SORT1: variants seen among roughly 807,000 people sequenced by gnomAD.
The protein encoded by SORT1 is sortilin.
In SORT1, 39 loss-of-function variants were observed where a neutral mutation model predicts 101.7. That is an observed-to-expected ratio of 0.38 (90% confidence interval 0.30 to 0.50). SORT1 has a LOEUF of 0.50. Among genes scored for constraint, SORT1 ranks in the 20% least tolerant of loss-of-function variants. The pLI, the probability that SORT1 is intolerant of heterozygous loss-of-function variation, is 0.90. For missense variants in SORT1, 878 were observed against 1,040.4 expected, an observed-to-expected ratio of 0.84 and a Z score of 2.15; for synonymous variants, 396 against 393.7, an observed-to-expected ratio of 1.01 and a Z score of -0.07.
chr1:109,345,372 G>A (rs1406100672), intron 8 of SORT1, among the ~76,000 whole-genome samples: 5 of 152,190 alleles, frequency 3.3e-5, no homozygotes, highest in East Asian at 3.9e-4. Context: ...AAAATTATCC[G>A]GGTGTGGTGG....
chr1:109,379,897 G>C (rs1216876742), intron 1 of SORT1, among the ~76,000 whole-genome samples: 1 of 152,114 alleles, frequency 6.6e-6, no homozygotes, highest in Admixed American at 6.5e-5. Context: ...AAAATAAAAA[G>C]CTGAATTCCT....
Position 109,354,428 on chromosome 1 carries a change from G to A in SORT1, c.647C>T (p.Pro216Leu). The change falls in exon 5 of 20, where the codon CCT becomes CTT. Residue 216 changes from proline to leucine, a missense_variant. Physicochemically the swap from Pro to Leu is moderately conservative, Grantham distance 98. Transcript: ENST00000256637. ...AGGGCTATACATCATCTGAGTGAGA[G>A]GATGAAAAGGGAGATCTGTTTGCAC... ...NFVQTDLPFH[P>L]LTQMMYSPQN... 1 of 1,612,210 alleles carries A rather than the reference G, an allele frequency of 6.2e-7. No individual in the cohort carries two copies. The highest frequency in any genetic ancestry group is 8.5e-7 in the Non-Finnish European group (1 of 1,178,286).
intron 14 of SORT1, among the ~76,000 whole-genome samples, chr1:109,323,825 G>A (rs1038946100): frequency 6.6e-6 from 1 of 152,198 alleles, no homozygotes; most frequent in Non-Finnish European, 1.5e-5. Flanking sequence ...TTACACTTTA[G>A]GGGTAACTGG....
chr1:109,373,118 G>T (rs1057422976), intron 1 of SORT1, among the ~76,000 whole-genome samples: 1 of 152,174 alleles, frequency 6.6e-6, no homozygotes, highest in South Asian at 2.1e-4. Context: ...CTGTTTCCAA[G>T]ATATTGGACA....
At chr1:109,342,657 A>G (rs186377278) in intron 8 of SORT1, among the ~76,000 whole-genome samples, 89 of 152,326 alleles carry the variant, frequency 5.8e-4, no homozygotes, top group African/African-American at 2.0e-3. Flanking sequence ...AGGGAAGTCA[A>G]GATGTAACAC....
In SORT1 at chr1:109,322,922, A is replaced by G; in HGVS notation, c.2024+10T>C. ...AAAGGGAGACAGAGAAATCTGAGGA[A>G]TGCTGATACCAGAGAAAGTCCTCCA... is the stretch of plus-strand genomic sequence containing the variant. On this transcript the variant is annotated intron_variant, in intron 15 of 19. Coordinates refer to ENST00000256637, the MANE Select transcript of SORT1 (RefSeq NM_002959.7). 1 of 1,603,896 alleles carries G rather than the reference A, an allele frequency of 6.2e-7. No homozygotes were observed. Among genetic ancestry groups the G allele is most frequent in the African/African-American group, 1.3e-5 (1 of 74,846 alleles).
At chr1:109,364,117 A>T (rs908112000) in intron 3 of SORT1, among the ~76,000 whole-genome samples, 24 of 152,256 alleles carry the variant, frequency 1.6e-4, no homozygotes, top group African/African-American at 5.3e-4. Flanking sequence ...TAACATGAAA[A>T]AAAAGTACCT....
chr1:109,342,056 C>A lies in SORT1; in HGVS notation c.1066G>T (p.Ala356Ser). ...GQEQFYSILA[A>S]NDDMVFMHVD... ...TGCATGAATACCATGTCATCATTTG[C>A]TGCCAGAATAGAATAGAACTGTTCC... Residue 356 changes from alanine (A) to serine (S), a missense_variant, in exon 9 of 20, where the codon GCA becomes TCA. Physicochemically the swap from Ala to Ser is moderately conservative, Grantham distance 99 (BLOSUM62 1). Coordinates refer to ENST00000256637, the MANE Select transcript of SORT1 (RefSeq NM_002959.7). 2.5e-6 allele frequency: 4 copies of A among 1,613,836 alleles called. No individual in the cohort carries two copies. The highest frequency in any genetic ancestry group is 3.4e-6 in the Non-Finnish European group (4 of 1,179,902).
At chr1:109,329,399 G>A (rs550055384) in intron 11 of SORT1, among the ~76,000 whole-genome samples, 66 of 152,014 alleles carry the variant, frequency 4.3e-4, no homozygotes, top group African/African-American at 1.4e-3. Flanking sequence ...GACTACAGGC[G>A]CCTGCCACCA....
chr1:109,324,779 A>C lies in SORT1; in HGVS notation c.1834+120T>G, dbSNP rs925552589. ...TAATCACCCACACAGAACATCTGTC[A>C]ATCCTCTTTCATATGCATATGCATC... On this transcript the variant is annotated intron_variant, in intron 14 of 19. Transcript: ENST00000256637. The C allele has an allele frequency of 4.5e-6, 3 of 664,284 alleles. No homozygotes were observed. The African/African-American group carries it at 5.5e-5, about 12-fold the overall frequency. 41.1% of individuals were successfully genotyped at this position (664,284 alleles called of 1,614,324 possible). A position where few individuals can be genotyped will look rare whatever the true frequency, so the allele number is the denominator to read the frequency against.
intron 11 of SORT1, among the ~76,000 whole-genome samples, chr1:109,330,807 A>G (rs1176750963): frequency 6.6e-6 from 1 of 152,138 alleles, no homozygotes; most frequent in Non-Finnish European, 1.5e-5. Context: ...CAGAAAAAAC[A>G]AAGGATCCTA....
intron 1 of SORT1, among the ~76,000 whole-genome samples, chr1:109,394,008 TTAAG>T (rs1653054186): frequency 6.6e-6 from 1 of 152,090 alleles, no homozygotes; most frequent in Admixed American, 6.6e-5. Context: ...CACAGAAAAC[TTAAG>T]TAACTCACCC....
intron 6 of SORT1, among the ~76,000 whole-genome samples, chr1:109,350,415 C>T (rs1348497946): frequency 6.6e-6 from 1 of 152,138 alleles, no homozygotes; most frequent in Non-Finnish European, 1.5e-5. Flanking sequence ...CCACTCCATC[C>T]TCTTTAAGCA....
Position 109,313,939 on chromosome 1 carries a change from G to A in SORT1, c.*104C>T, listed in dbSNP as rs72646594. 1.8e-6 allele frequency: 2 copies of A among 1,125,208 alleles called. No individual in the cohort carries two copies. Among genetic ancestry groups the A allele is most frequent in the Admixed American group, 3.8e-5 (2 of 53,190 alleles). 69.7% of individuals were successfully genotyped at this position (1,125,208 alleles called of 1,614,324 possible). ...TGATGGAAGCAGCAGAAACAGAGCT[G>A]GGTCCCTCGCAATGGGAAATTTATT... On this transcript the variant is annotated 3_prime_UTR_variant, in exon 20 of 20. Transcript: ENST00000256637.
intron 8 of SORT1, among the ~76,000 whole-genome samples, chr1:109,343,946 G>A (rs562672025): frequency 1.4e-4 from 22 of 152,210 alleles, no homozygotes; most frequent in African/African-American, 5.3e-4. Context: ...CACCATGCTC[G>A]GCCCAAAACA....
In SORT1 at chr1:109,314,778, T is replaced by A; in HGVS notation, c.2251A>T (p.Asn751Tyr). 1 of 1,582,628 alleles carries A rather than the reference T, an allele frequency of 6.3e-7. No individual in the cohort carries two copies. Among genetic ancestry groups the A allele is most frequent in the Non-Finnish European group, 8.7e-7 (1 of 1,151,568 alleles). The change falls in exon 18 of 20, where the codon AAT becomes TAT. Residue 751 changes from asparagine (N) to tyrosine (Y), a missense_variant and splice_region_variant. Asn to Tyr is a moderately radical substitution (Grantham distance 143). Coordinates refer to ENST00000256637, the MANE Select transcript of SORT1 (RefSeq NM_002959.7). Reference sequence around the variant, plus strand: ...ATTGGAACAGAATTTGACTTGGAATTCTTGAGAAATTAAAACACAAACACA... The same window carrying A: ...ATTGGAACAGAATTTGACTTGGAATACTTGAGAAATTAAAACACAAACACA... Reference protein sequence around the residue: ...TSNFLSPEKQNSKSNSVPIIL... With the variant: ...TSNFLSPEKQYSKSNSVPIIL...
chr1:109,365,951 C>T (rs1012869380), intron 3 of SORT1, among the ~76,000 whole-genome samples: 1 of 152,150 alleles, frequency 6.6e-6, no homozygotes, highest in African/African-American at 2.4e-5. Flanking sequence ...CCCACTTGGG[C>T]CAAGAACAGC....
chr1:109,342,137 C>T lies in SORT1; in HGVS notation c.985G>A (p.Val329Ile), dbSNP rs759824912. 37 of 1,612,646 alleles carry T rather than the reference C, an allele frequency of 2.3e-5. No individual in the cohort carries two copies. The highest frequency in any genetic ancestry group is 2.7e-5 in the African/African-American group (2 of 74,912). ...ADKDTTRRIHVSTDQGDTWSM... is the reference protein window; with the variant it reads ...ADKDTTRRIHISTDQGDTWSM... ...CATGTGTCCCCTTGATCTGTTGAAA[C>T]GTGGATCCTTCTTGTTGTATCCTAG... The change falls in exon 9 of 20, where the codon GTT becomes ATT. Residue 329 changes from valine (V) to isoleucine (I), a missense_variant. Coordinates refer to ENST00000256637, the MANE Select transcript of SORT1 (RefSeq NM_002959.7).
chr1:109,394,306 T>C (rs1332985435), intron 1 of SORT1, among the ~76,000 whole-genome samples: 1 of 152,184 alleles, frequency 6.6e-6, no homozygotes, highest in Non-Finnish European at 1.5e-5. Flanking sequence ...CTGCCTCAAC[T>C]CCTAAAATAA....
Sources: allele counts gnomAD v4.1 joint callset (sites outside exome capture counted in the v4.1 genomes callset), GRCh38; gene constraint gnomAD v4.1.1; transcripts MANE v1.5; gene names NCBI Gene and HGNC (gene_info 2026-07-23, HGNC 2026-07-21).